Variants in ZDHHC13 observed in about 807,000 individuals in gnomAD.
The protein encoded by ZDHHC13 is zDHHC palmitoyltransferase 13.
ZDHHC13 carries 85 observed loss-of-function variants against 86.0 expected under a neutral mutation model. The observed-to-expected ratio is 0.99, with a 90% CI of 0.83 to 1.18. The LOEUF is 1.18. ZDHHC13 is among the 50% of genes most tolerant of loss of function. ZDHHC13 has a pLI of 0.00. For synonymous variants in ZDHHC13, 263 were observed against 246.4 expected (o/e 1.07, Z -0.63); for missense variants, 711 against 730.2 (o/e 0.97, Z 0.30).
At chr11:19,147,530 T>C (rs1215844682) in intron 3 of ZDHHC13, 66 bp from the exon 4 acceptor site, 7 of 1,359,070 alleles carry the variant, frequency 5.2e-6, no homozygotes, top group Admixed American at 4.2e-5. Context: ...AAAAAATTAG[T>C]ATTTTCTTTC....
intron 1 of ZDHHC13, among the ~76,000 whole-genome samples, chr11:19,140,186 C>T (rs1419777200): frequency 6.6e-6 from 1 of 150,990 alleles, no homozygotes; most frequent in Non-Finnish European, 1.5e-5. Context: ...GGCTAATATC[C>T]AGAATCTACA....
At chr11:19,118,091 G>A (rs1848686048) in intron 1 of ZDHHC13, among the ~76,000 whole-genome samples, 1 of 152,188 alleles carries the variant, frequency 6.6e-6, no homozygotes, top group Non-Finnish European at 1.5e-5. Context: ...TTTAGTGAGT[G>A]CATAACCCAT....
chr11:19,141,548 C>G (rs1849319423), intron 1 of ZDHHC13, among the ~76,000 whole-genome samples: 1 of 152,000 alleles, frequency 6.6e-6, no homozygotes. Flanking sequence ...AATTGCTCAT[C>G]TTAATTGATC....
chr11:19,159,143 C>A, intron 10 of ZDHHC13, 103 bp downstream of exon 10: 1 of 697,908 alleles, frequency 1.4e-6, no homozygotes, highest in Non-Finnish European at 2.3e-6. Flanking sequence ...GGGAATGCAA[C>A]TTATATTTGC....
intron 6 of ZDHHC13, among the ~76,000 whole-genome samples, chr11:19,151,180 T>C (rs1019252432): frequency 7.9e-5 from 12 of 152,078 alleles, no homozygotes; most frequent in African/African-American, 2.4e-5. Flanking sequence ...CTGGAAAATA[T>C]TAAATTTTGA....
At chr11:19,165,017 G>GTTTTT in intron 12 of ZDHHC13, 35 bp from the exon 13 acceptor site, 2 of 1,588,642 alleles carry the variant, frequency 1.3e-6, no homozygotes, top group Non-Finnish European at 1.7e-6. Flanking sequence ...TGAGACACTG[G>GTTTTT]TTTTTGCTTA....
rs1480687465 is a variant in ZDHHC13 at position 19,143,070 on chromosome 11, A to G, written c.120A>G (p.Glu40=). The part of the protein sequence containing the change: ...HENKELANAR[E]ALPLIEDSSN... Reference sequence around the variant, plus strand: ...ACAAAGAACTTGCCAATGCAAGAGAAGCTCTTCCTCTTATAGAGGACTCTA... The same window carrying G: ...ACAAAGAACTTGCCAATGCAAGAGAGGCTCTTCCTCTTATAGAGGACTCTA... The change falls in exon 2 of 17, where the codon GAA becomes GAG. Residue 40 remains glutamate (E), a synonymous_variant. Transcript: ENST00000446113. The G allele has an allele frequency of 1.2e-6, 2 of 1,613,266 alleles. No homozygotes were observed. The highest frequency in any genetic ancestry group is 1.3e-5 in the African/African-American group (1 of 74,924).
At chr11:19,121,923 C>G (rs76809293) in intron 1 of ZDHHC13, among the ~76,000 whole-genome samples, 6,574 of 152,104 alleles carry the variant, frequency 0.043, 252 homozygotes, top group East Asian at 0.21. Context: ...GTTATTTGGC[C>G]CGTGTCATCA....
intron 12 of ZDHHC13, chr11:19,164,577 G>T (rs1317009468): frequency 1.8e-6 from 1 of 567,762 alleles, no homozygotes; most frequent in South Asian, 2.2e-5. Flanking sequence ...ACATCTCTCC[G>T]TGAATTATCC....
At chr11:19,169,946 T>C in intron 14 of ZDHHC13, 1 of 991,838 alleles carries the variant, frequency 1.0e-6, no homozygotes, top group Non-Finnish European at 1.2e-6. Flanking sequence ...TGCTATTAGA[T>C]TGTATTCTGA....
Position 19,147,633 on chromosome 11 carries a change from G to C in ZDHHC13, c.334G>C (p.Gly112Arg). The change falls in exon 4 of 17, where the codon GGT becomes CGT. Residue 112 changes from glycine to arginine, a missense_variant. By Grantham distance (125) the Gly-to-Arg change is moderately radical. Transcript: ENST00000446113. ...ISKGAVVDQL[G>R]GDLNSTPLHW... ...AAAAGGTGCTGTTGTAGATCAGTTG[G>C]GTGGAGATTTAAATTCAACTCCTCT... is the stretch of plus-strand genomic sequence containing the variant. 2 of 1,602,638 alleles carry C rather than the reference G, an allele frequency of 1.2e-6. No homozygotes were observed. The highest frequency in any genetic ancestry group is 2.7e-5 in the African/African-American group (2 of 74,808).
At chr11:19,163,572 C>G in intron 11 of ZDHHC13, 145 bp downstream of exon 11, 1 of 865,812 alleles carries the variant, frequency 1.2e-6, no homozygotes, top group Non-Finnish European at 1.5e-6. Flanking sequence ...TCCACTCTTA[C>G]AGTTTTTTCA....
rs950966675 is a variant in ZDHHC13, at chr11:19,176,042, A to G, written c.*82A>G. On this transcript the variant is annotated 3_prime_UTR_variant, in exon 17 of 17. Transcript: ENST00000446113. ...TAGTTTGAAAGTGAAGTAAAGATTT[A>G]GAATTCACCTAAGTCCAAAGGAAAA... is the stretch of plus-strand genomic sequence containing the variant. The G allele has an allele frequency of 1.4e-6, 2 of 1,461,566 alleles. No individual in the cohort carries two copies. The allele number at this position is 1,461,566 out of a possible 1,614,324, so 90.5% of individuals were successfully genotyped here.
chr11:19,140,921 T>C (rs1188531882), intron 1 of ZDHHC13, among the ~76,000 whole-genome samples: 1 of 62,084 alleles, frequency 1.6e-5, no homozygotes, highest in Non-Finnish European at 2.9e-5. Context: ...TGTTGTGGGG[T>C]GGGGGGAGGG....
chr11:19,174,782 A>T (rs1850314674), intron 16 of ZDHHC13, among the ~76,000 whole-genome samples: 1 of 152,244 alleles, frequency 6.6e-6, no homozygotes, highest in African/African-American at 2.4e-5. Context: ...TTCCTGAGCT[A>T]AGTGTAGAGC....
chr11:19,140,918 G>A (rs1209374606), intron 1 of ZDHHC13, among the ~76,000 whole-genome samples: 1 of 120,772 alleles, frequency 8.3e-6, no homozygotes, highest in East Asian at 3.0e-4. Flanking sequence ...GACTGTTGTG[G>A]GGTGGGGGGA....
At chr11:19,149,461 C>A in intron 5 of ZDHHC13, 130 bp downstream of exon 5, 1 of 1,003,104 alleles carries the variant, frequency 1.0e-6, no homozygotes, top group Non-Finnish European at 1.4e-6. Flanking sequence ...ATATTAGCCT[C>A]AGTACGTTTA....
rs769629365 is a variant in ZDHHC13, at chr11:19,155,938, G to A, written c.1007+9G>A. ...ACATCTTTGTTTCCAAGGTGTGTAT[G>A]TTAATTTTTGCAAGGCTGGTTATTG... On this transcript the variant is annotated intron_variant, in intron 9 of 16. Coordinates refer to ENST00000446113, the MANE Select transcript of ZDHHC13 (RefSeq NM_019028.3). 6.3e-6 allele frequency: 10 copies of A among 1,591,428 alleles called. No homozygotes were observed. The highest frequency in any genetic ancestry group is 8.5e-6 in the Non-Finnish European group (10 of 1,174,546).
At chr11:19,170,705 T>A in intron 15 of ZDHHC13, 137 bp downstream of exon 15, 1 of 833,866 alleles carries the variant, frequency 1.2e-6, no homozygotes, top group Non-Finnish European at 1.8e-6. Context: ...GCCATGTCAT[T>A]TAACCACACT....
Sources: gnomAD v4.1 joint callset for allele counts (sites outside exome capture counted in the v4.1 genomes callset) on GRCh38, gnomAD v4.1.1 for gene constraint, MANE v1.5 for transcripts, NCBI Gene and HGNC (gene_info 2026-07-23, HGNC 2026-07-21) for gene names.